PKHD1L1: variants seen among roughly 807,000 people sequenced by gnomAD.
PKHD1L1 encodes the protein fibrocystin-L.
A neutral mutation model predicts 462.9 loss-of-function variants in PKHD1L1; 434 were observed. The ratio of observed to expected loss-of-function variants is 0.94; its 90% confidence interval spans 0.87 to 1.02. The LOEUF is 1.02. Ranked by LOEUF, PKHD1L1 falls within the 50% of genes least tolerant of loss-of-function variation. The pLI, the probability that PKHD1L1 is intolerant of heterozygous loss-of-function variation, is 0.00. For synonymous variants in PKHD1L1, 1,781 were observed against 1,750.0 expected (o/e 1.02, Z -0.44); for missense variants, 5,202 against 5,096.1 (o/e 1.02, Z -0.63).
intron 20 of PKHD1L1, 87 bp from the exon 21 acceptor site, chr8:109,413,334 A>G: frequency 6.3e-6 from 6 of 952,492 alleles, no homozygotes; most frequent in Non-Finnish European, 8.5e-6. Context: ...CTCAATAAAT[A>G]TTTATTGACT....
chr8:109,414,957 C>A (rs1814056806), intron 21 of PKHD1L1, among the ~76,000 whole-genome samples: 2 of 142,402 alleles, frequency 1.4e-5, no homozygotes, highest in African/African-American at 5.2e-5. Context: ...CTACATCATC[C>A]CAACATTATT....
At chr8:109,456,583 T>G (rs1389520488) in intron 46 of PKHD1L1, among the ~76,000 whole-genome samples, 192 bp downstream of exon 46, 1 of 152,160 alleles carries the variant, frequency 6.6e-6, no homozygotes, top group Admixed American at 6.5e-5. Flanking sequence ...GCATTATAAT[T>G]GATAGATTTA....
At chr8:109,370,885 C>T (rs1811470807) in intron 2 of PKHD1L1, among the ~76,000 whole-genome samples, 1 of 152,192 alleles carries the variant, frequency 6.6e-6, no homozygotes, top group African/African-American at 2.4e-5. Context: ...ATATGTGCCA[C>T]ATTTTCTTAA....
chr8:109,452,369 A>G (rs950209770), intron 42 of PKHD1L1, 89 bp downstream of exon 42: 1 of 1,203,380 alleles, frequency 8.3e-7, no homozygotes, highest in East Asian at 2.8e-5. Context: ...TTTTACTTTA[A>G]TGTCTCCAAA....
At chr8:109,496,617 G>T (rs953489667) in intron 63 of PKHD1L1, among the ~76,000 whole-genome samples, 5 of 152,164 alleles carry the variant, frequency 3.3e-5, no homozygotes, top group Non-Finnish European at 7.4e-5. Flanking sequence ...AATAAACCAG[G>T]CGAGGTGGGG....
Position 109,413,489 on chromosome 8 carries a change from C to T in PKHD1L1, c.2304C>T (p.Ser768=). The T allele has an allele frequency of 6.3e-7, 1 of 1,577,254 alleles. No individual in the cohort carries two copies. Among genetic ancestry groups the T allele is most frequent in the Admixed American group, 1.8e-5 (1 of 55,228 alleles). Residue 768 remains serine (S), a synonymous_variant, in exon 21 of 78, where the codon AGC becomes AGT. Coordinates refer to ENST00000378402, the MANE Select transcript of PKHD1L1 (RefSeq NM_177531.6). ...TAAAATTTCAGTACCAAGACAATAG[C>T]AAGATTACTAGAAGCACTGATACAC... ...IGLKFQYQDN[S]KITRSTDTQF... is the part of the protein sequence containing the mutation.
At position 109,404,937 on chromosome 8, in the gene PKHD1L1, T is replaced by C. The variant is rs1813454466; in HGVS notation, c.1534-58T>C. ...GTGGCATTGAATAGCTGAATTATGA[T>C]GCTTTTAAGATATATATATTTTTCA... On this transcript the variant is annotated intron_variant, in intron 15 of 77. Transcript: ENST00000378402. 2.4e-6 allele frequency: 3 copies of C among 1,228,948 alleles called. 1 individual carries two copies. In the South Asian group the frequency reaches 5.2e-5, roughly 21 times the overall value. 76.1% of individuals were successfully genotyped at this position (1,228,948 alleles called of 1,614,324 possible). A position where few individuals can be genotyped will look rare whatever the true frequency, so the allele number is the denominator to read the frequency against.
chr8:109,370,711 A>G (rs1811461030), intron 2 of PKHD1L1, among the ~76,000 whole-genome samples: 1 of 151,828 alleles, frequency 6.6e-6, no homozygotes, highest in African/African-American at 2.4e-5. Flanking sequence ...TCCTGTGTCC[A>G]TGTGTTCTCA....
chr8:109,461,872 T>G lies in PKHD1L1; in HGVS notation c.7347T>G (p.Gly2449=), dbSNP rs1022420653. Residue 2449 remains glycine, a synonymous_variant, in exon 48 of 78, where the codon GGT becomes GGG. Coordinates refer to ENST00000378402, the MANE Select transcript of PKHD1L1 (RefSeq NM_177531.6). ...GCVMFHAPVP[G]ANMVTGRIEY... ...TTATGTTTCATGCTCCTGTACCTGGTGCTAACATGGTAACTGGGAGAATAG... is the reference window on the plus strand; with the variant it reads ...TTATGTTTCATGCTCCTGTACCTGGGGCTAACATGGTAACTGGGAGAATAG... 6.2e-7 allele frequency: 1 copy of G among 1,604,712 alleles called. No individual in the cohort carries two copies. Among genetic ancestry groups the G allele is most frequent in the Non-Finnish European group, 8.5e-7 (1 of 1,175,252 alleles).
chr8:109,391,600 C>G (rs1261181057), intron 9 of PKHD1L1, among the ~76,000 whole-genome samples: 1 of 152,110 alleles, frequency 6.6e-6, no homozygotes, highest in African/African-American at 2.4e-5. Context: ...AGCGAGTTGA[C>G]AGAAACCCAT....
At chr8:109,412,030 A>G (rs1813882361) in intron 19 of PKHD1L1, among the ~76,000 whole-genome samples, 1 of 152,198 alleles carries the variant, frequency 6.6e-6, no homozygotes, top group Non-Finnish European at 1.5e-5. Flanking sequence ...AAGAGCTCAC[A>G]AAGTAAGGAA....
At chr8:109,389,260 T>G in intron 8 of PKHD1L1, 108 bp downstream of exon 8, 1 of 780,560 alleles carries the variant, frequency 1.3e-6, no homozygotes, top group Non-Finnish European at 2.0e-6. Flanking sequence ...TCAGGTGTTT[T>G]TGTTTGTTTG....
intron 14 of PKHD1L1, among the ~76,000 whole-genome samples, chr8:109,402,628 A>G (rs766880433): frequency 6.6e-6 from 1 of 152,190 alleles, no homozygotes; most frequent in Non-Finnish European, 1.5e-5. Context: ...ATATTTGCTA[A>G]TATCCCATTG....
At chr8:109,380,336 G>A (rs1812048424) in intron 2 of PKHD1L1, among the ~76,000 whole-genome samples, 1 of 152,142 alleles carries the variant, frequency 6.6e-6, no homozygotes, top group Non-Finnish European at 1.5e-5. Flanking sequence ...ATAGTGGGTA[G>A]ACTGTATCAG....
chr8:109,443,779 G>A lies in PKHD1L1; in HGVS notation c.4668G>A (p.Leu1556=). ...NNTRVKNSKR[L]LFEVSSCFSP... is the part of the protein sequence containing the mutation. ...CCAGGGTTAAAAATTCAAAAAGATT[G>A]CTATTTGAGGTTTCAAGTTGTTTTT... The change falls in exon 37 of 78, where the codon TTG becomes TTA. Residue 1556 remains leucine, a synonymous_variant. Transcript: ENST00000378402. 6.2e-7 allele frequency: 1 copy of A among 1,613,808 alleles called. No homozygotes were observed. The highest frequency in any genetic ancestry group is 1.1e-5 in the South Asian group (1 of 91,072).
intron 14 of PKHD1L1, among the ~76,000 whole-genome samples, chr8:109,404,084 C>T (rs1813406473): frequency 6.6e-6 from 1 of 152,118 alleles, no homozygotes; most frequent in African/African-American, 2.4e-5. Context: ...CCCCAAGTTA[C>T]AAATGGAGCC....
intron 23 of PKHD1L1, among the ~76,000 whole-genome samples, chr8:109,422,590 A>G (rs777985724): frequency 7.9e-5 from 12 of 152,104 alleles, no homozygotes; most frequent in Non-Finnish European, 1.8e-4. Flanking sequence ...ATTTACTGTT[A>G]TGGATGTACC....
At chr8:109,493,438 G>A (rs572650762) in intron 62 of PKHD1L1, among the ~76,000 whole-genome samples, 4 of 151,566 alleles carry the variant, frequency 2.6e-5, no homozygotes, top group African/African-American at 9.7e-5. Flanking sequence ...TTTAAATGAA[G>A]TCCAGGCTGT....
Position 109,385,569 on chromosome 8 carries a change from A to T in PKHD1L1, c.508A>T (p.Thr170Ser). The T allele has an allele frequency of 6.2e-7, 1 of 1,606,496 alleles. No homozygotes were observed. Among genetic ancestry groups the T allele is most frequent in the Non-Finnish European group, 8.5e-7 (1 of 1,175,480 alleles). ...AATAACAATCCAAGGCAGAATCTTC[A>T]CTGATGTCTATGGAAGTAATATTGC... ...TLITIQGRIF[T>S]DVYGSNIALS... is the part of the protein sequence containing the mutation. The change falls in exon 6 of 78, where the codon ACT becomes TCT. Residue 170 changes from threonine (T) to serine (S), a missense_variant. Thr to Ser is a moderately conservative substitution (Grantham distance 58, BLOSUM62 1). Around this residue, in one of 3 missense-constraint regions of PKHD1L1, gnomAD observed 4,497 missense variants for 4,336.8 expected, o/e 1.04. Coordinates refer to ENST00000378402, the MANE Select transcript of PKHD1L1 (RefSeq NM_177531.6).
Sources: allele counts gnomAD v4.1 joint callset (sites outside exome capture counted in the v4.1 genomes callset), GRCh38; gene constraint gnomAD v4.1.1; regional missense constraint gnomAD v4.1.1; transcripts MANE v1.5; gene names NCBI Gene and HGNC (gene_info 2026-07-23, HGNC 2026-07-21).